INTU: variants seen among roughly 807,000 people sequenced by gnomAD.
The protein encoded by INTU is protein inturned.
INTU carries 68 observed loss-of-function variants against 100.5 expected under a neutral mutation model. That is an observed-to-expected ratio of 0.68 (90% CI 0.56 to 0.83). The LOEUF is 0.83. Among genes scored for constraint, INTU ranks in the 40% least tolerant of loss-of-function variants. The pLI is 0.00. For synonymous variants in INTU, 357 were observed against 395.7 expected, an observed-to-expected ratio of 0.90 and a Z score of 1.16; for missense variants, 1,071 against 1,114.7, an observed-to-expected ratio of 0.96 and a Z score of 0.56.
At position 127,687,805 on chromosome 4, in the gene INTU, A is replaced by G. The variant is rs756881691; in HGVS notation, c.1387A>G (p.Ser463Gly). The G allele has an allele frequency of 4.3e-6, 7 of 1,610,790 alleles. No homozygotes were observed. Among genetic ancestry groups the G allele is most frequent in the Non-Finnish European group, 5.9e-6 (7 of 1,177,840 alleles). The change falls in exon 8 of 16, where the codon AGT becomes GGT. Residue 463 changes from serine (S) to glycine (G), a missense_variant. Coordinates refer to ENST00000335251, the MANE Select transcript of INTU (RefSeq NM_015693.4). ...SPSAQQYDAS[S>G]AVLLDNLPGV... ...CAGTGCTCAGCAGTACGATGCTTCC[A>G]GTGCAGTACTTTTAGACAACCTCCC...
chr4:127,675,632 T>G (rs1481882457), intron 6 of INTU, among the ~76,000 whole-genome samples: 2 of 152,206 alleles, frequency 1.3e-5, no homozygotes, highest in East Asian at 1.9e-4. Flanking sequence ...TGGCCAGGGA[T>G]AGACTTATCT....
chr4:127,659,935 A>T (rs781154610), intron 3 of INTU, among the ~76,000 whole-genome samples: 72 of 152,214 alleles, frequency 4.7e-4, no homozygotes, highest in Admixed American at 2.2e-3. Context: ...ACTGTGGAAA[A>T]ATTAGAAAAC....
chr4:127,703,895 G>A (rs867887348), intron 9 of INTU, among the ~76,000 whole-genome samples: 7 of 151,964 alleles, frequency 4.6e-5, no homozygotes, highest in African/African-American at 1.7e-4. Context: ...AATAGCTTAT[G>A]GTAATATTGG....
rs144726046 is a variant in INTU, at chr4:127,707,890, C to T, written c.2272-681C>T. On this transcript the variant is annotated intron_variant, in intron 12 of 15. Transcript: ENST00000335251. ...GTCGTCTTTCAAAACATTTTTGAAA[C>T]TTGTCATTTGGGTGGATGGAGGTGA... Among the ~76,000 whole-genome samples, 1,293 of 152,188 alleles carry T rather than the reference C, an allele frequency of 8.5e-3. 14 individuals are homozygous for T. Among genetic ancestry groups the T allele is most frequent in the Non-Finnish European group, 9.4e-3 (642 of 67,992 alleles).
rs1261319291 is a variant in INTU, at chr4:127,723,673, T to TA, written c.*7241dup. ...TTTATTTTTTTTTGTTTGTTTTTGT[T>TA]AAAATACATTCAGCGGCTGGGCTTA... is the stretch of plus-strand genomic sequence containing the variant. On this transcript the variant is annotated 3_prime_UTR_variant, in exon 16 of 16. Coordinates refer to ENST00000335251, the MANE Select transcript of INTU (RefSeq NM_015693.4). 1.3e-5 allele frequency: 2 copies of TA among 152,062 alleles called. No individual in the cohort carries two copies. The highest frequency in any genetic ancestry group is 2.9e-5 in the Non-Finnish European group (2 of 68,028). The allele number at this position is 152,062 out of a possible 1,614,324, so 9.4% of individuals were successfully genotyped here. A position where few individuals can be genotyped will look rare whatever the true frequency, so the allele number is the denominator to read the frequency against.
rs58800835 is a variant in INTU at position 127,655,811 on chromosome 4, C to T, written c.683-825C>T. On this transcript the variant is annotated intron_variant, in intron 2 of 15. Coordinates refer to ENST00000335251, the MANE Select transcript of INTU (RefSeq NM_015693.4). ...GCAAGCCTGGGCAATGGGGGGCGCC[C>T]CTCCCCCAGCCTCGCTGCCGCCTTG... Among the ~76,000 whole-genome samples, 798 of 152,338 alleles carry T rather than the reference C, an allele frequency of 5.2e-3. 10 individuals are homozygous for T. Among genetic ancestry groups the T allele is most frequent in the African/African-American group, 0.018 (769 of 41,568 alleles).
intron 4 of INTU, among the ~76,000 whole-genome samples, chr4:127,665,788 C>G (rs1249982710): frequency 6.6e-6 from 1 of 152,064 alleles, no homozygotes; most frequent in African/African-American, 2.4e-5. Flanking sequence ...GGAGACCTGA[C>G]TTGAAAGAAG....
intron 7 of INTU, 118 bp downstream of exon 7, chr4:127,684,604 C>T (rs1729729436): frequency 3.6e-6 from 2 of 562,686 alleles, no homozygotes; most frequent in Non-Finnish European, 6.1e-6. Context: ...CTCCTCCCTC[C>T]CCTCTTTCCT....
chr4:127,705,351 G>A (rs573293427), intron 10 of INTU, among the ~76,000 whole-genome samples: 27 of 152,292 alleles, frequency 1.8e-4, no homozygotes, highest in African/African-American at 6.5e-4. Context: ...AAGCTATGCT[G>A]TGCAGAAGGG....
At chr4:127,709,303 T>G (rs1423458434) in intron 13 of INTU, among the ~76,000 whole-genome samples, 1 of 152,166 alleles carries the variant, frequency 6.6e-6, no homozygotes, top group Non-Finnish European at 1.5e-5. Context: ...GTTCATCTTC[T>G]CCCTCTGCTC....
intron 5 of INTU, among the ~76,000 whole-genome samples, chr4:127,672,441 A>C (rs905959986): frequency 1.3e-5 from 2 of 149,038 alleles, no homozygotes; most frequent in Non-Finnish European, 3.0e-5. Flanking sequence ...TTAGAAAGAA[A>C]ATTTAAGTTT....
At chr4:127,678,651 C>T (rs1185259670) in intron 6 of INTU, among the ~76,000 whole-genome samples, 1 of 152,142 alleles carries the variant, frequency 6.6e-6, no homozygotes, top group East Asian at 1.9e-4. Context: ...AAAATCATGC[C>T]AAATTGTAAA....
At chr4:127,691,707 C>T (rs1730135650) in intron 8 of INTU, among the ~76,000 whole-genome samples, 1 of 151,854 alleles carries the variant, frequency 6.6e-6, no homozygotes, top group Non-Finnish European at 1.5e-5. Context: ...AAGGAGTATA[C>T]ACTGTACCTA....
chr4:127,668,158 G>A (rs1243838182), intron 4 of INTU, among the ~76,000 whole-genome samples: 5 of 151,970 alleles, frequency 3.3e-5, no homozygotes, highest in Admixed American at 6.6e-5. Context: ...TTCCTTGTGA[G>A]AGAAATAAAT....
intron 6 of INTU, among the ~76,000 whole-genome samples, chr4:127,675,547 G>A (rs938870562): frequency 6.6e-5 from 10 of 152,122 alleles, no homozygotes; most frequent in Admixed American, 1.3e-4. Flanking sequence ...AGGTGTTTTC[G>A]TGGTTCAGGA....
At chr4:127,648,868 T>TAA (rs1727704145) in intron 2 of INTU, among the ~76,000 whole-genome samples, 1 of 152,104 alleles carries the variant, frequency 6.6e-6, no homozygotes, top group Non-Finnish European at 1.5e-5. Flanking sequence ...TTTATTTTGG[T>TAA]CTGCAAGTTC....
chr4:127,725,795 T>C lies in INTU; in HGVS notation c.*9359T>C, dbSNP rs1466138329. On this transcript the variant is annotated 3_prime_UTR_variant, in exon 16 of 16. Transcript: ENST00000335251. ...TTAAGAAATAAAATCACACATCTTA[T>C]TTTTTCATTTCTAAATGGATATTGA... is the stretch of plus-strand genomic sequence containing the variant. 6.6e-6 allele frequency: 1 copy of C among 152,228 alleles called. No homozygotes were observed. Among genetic ancestry groups the C allele is most frequent in the Non-Finnish European group, 1.5e-5 (1 of 68,028 alleles). 9.4% of individuals were successfully genotyped at this position (152,228 alleles called of 1,614,324 possible).
In INTU at chr4:127,722,782, C is replaced by G. The variant is rs1004189076; in HGVS notation, c.*6346C>G. The G allele has an allele frequency of 6.6e-6, 1 of 152,528 alleles. No individual in the cohort carries two copies. The highest frequency in any genetic ancestry group is 1.5e-5 in the Non-Finnish European group (1 of 68,300). The allele number at this position is 152,528 out of a possible 1,614,324, so 9.4% of individuals were successfully genotyped here. ...GATGGCGGCCTCCCCTCCCTTCTCC[C>G]CCCTCTCCTTCCCCACTTCCAGAAC... is the stretch of plus-strand genomic sequence containing the variant. On this transcript the variant is annotated 3_prime_UTR_variant, in exon 16 of 16. Transcript: ENST00000335251.
intron 1 of INTU, among the ~76,000 whole-genome samples, chr4:127,641,150 CCCT>C (rs1727314747): frequency 1.3e-5 from 2 of 152,064 alleles, no homozygotes; most frequent in Non-Finnish European, 2.9e-5. Flanking sequence ...TGAAACAGCC[CCCT>C]GACTAGCCCT....
Sources: gnomAD v4.1 joint callset for allele counts (sites outside exome capture counted in the v4.1 genomes callset) on GRCh38, gnomAD v4.1.1 for gene constraint, MANE v1.5 for transcripts, NCBI Gene and HGNC (gene_info 2026-07-23, HGNC 2026-07-21) for gene names.